The following MRPS10 variants were observed in gnomAD, a reference collection of about 807,000 sequenced individuals.
MRPS10 encodes mitochondrial ribosomal protein S10, also known as small ribosomal subunit protein uS10m.
MRPS10 carries 23 observed loss-of-function variants against 27.5 expected under a neutral mutation model. The ratio of observed to expected loss-of-function variants is 0.84; its 90% CI spans 0.60 to 1.18. The LOEUF (loss-of-function observed/expected upper bound fraction) is 1.18, where lower values mean the gene tolerates loss of function less well. MRPS10 is among the 50% of genes most tolerant of loss of function. The pLI, the probability that MRPS10 is intolerant of heterozygous loss-of-function variation, is 0.00. For synonymous variants in MRPS10, 88 were observed against 84.2 expected, an observed-to-expected ratio of 1.04 and a Z score of -0.25; for missense variants, 237 against 240.1, an observed-to-expected ratio of 0.99 and a Z score of 0.09.
At chr6:42,212,290 T>C (rs1768803451) in intron 3 of MRPS10, among the ~76,000 whole-genome samples, 1 of 152,218 alleles carries the variant, frequency 6.6e-6, no homozygotes, top group Admixed American at 6.5e-5. Flanking sequence ...TAATGGTAGC[T>C]GAATGACAAC....
intron 1 of MRPS10, among the ~76,000 whole-genome samples, chr6:42,216,383 A>AGTGTGTGTGTGTGTGTGTGTGTGTGT (rs763994848): frequency 4.3e-5 from 2 of 46,156 alleles, no homozygotes; most frequent in Non-Finnish European, 1.1e-4. Context: ...AGAGAGAGAG[A>AGTGTGTGTGTGTGTGTGTGTGTGTGT]GAGTGTGTGT....
At chr6:42,217,412 C>T (rs1768972858) in intron 1 of MRPS10, among the ~76,000 whole-genome samples, 1 of 152,148 alleles carries the variant, frequency 6.6e-6, no homozygotes, top group Non-Finnish European at 1.5e-5. Flanking sequence ...AGGAAAGCAT[C>T]TCAATTTAGT....
chr6:42,214,989 C>T (rs1452191526), intron 1 of MRPS10, among the ~76,000 whole-genome samples: 6 of 152,124 alleles, frequency 3.9e-5, no homozygotes, highest in Non-Finnish European at 5.9e-5. Context: ...AGGAAACAAA[C>T]GATACTACTA....
intron 5 of MRPS10, among the ~76,000 whole-genome samples, chr6:42,209,609 G>A (rs965282058): frequency 2.0e-5 from 3 of 151,712 alleles, no homozygotes; most frequent in Admixed American, 1.3e-4. Context: ...TTAGCCAGGC[G>A]CGGTGGCGTA....
intron 6 of MRPS10, among the ~76,000 whole-genome samples, 162 bp downstream of exon 6, chr6:42,208,696 G>A (rs116605222): frequency 1.7e-3 from 262 of 152,274 alleles, no homozygotes; most frequent in Admixed American, 5.7e-3. Flanking sequence ...GTTGCAAGGG[G>A]TGGGTAGCCC....
Position 42,206,813 on chromosome 6 carries a change from G to A in MRPS10, c.*1476C>T, listed in dbSNP as rs1227007864. ...TCAACAACTGAGCTGAAGGTCATGG[G>A]GCACAAAGCTGCAATTCTTTTAATG... On this transcript the variant is annotated 3_prime_UTR_variant, in exon 7 of 7. Coordinates refer to ENST00000053468, the MANE Select transcript of MRPS10 (RefSeq NM_018141.4). The A allele has an allele frequency of 6.6e-6, 1 of 152,138 alleles. No individual in the cohort carries two copies. Among genetic ancestry groups the A allele is most frequent in the Admixed American group, 6.5e-5 (1 of 15,272 alleles). 9.4% of individuals were successfully genotyped at this position (152,138 alleles called of 1,614,324 possible).
chr6:42,214,234 C>T, intron 2 of MRPS10, 42 bp from the exon 3 acceptor site: 1 of 1,604,232 alleles, frequency 6.2e-7, no homozygotes. Context: ...TAAAATAGCA[C>T]AAGAACCTAT....
chr6:42,209,462 GACTGC>G (rs1768708473), intron 5 of MRPS10, among the ~76,000 whole-genome samples: 1 of 152,040 alleles, frequency 6.6e-6, no homozygotes, highest in Non-Finnish European at 1.5e-5. Context: ...TAAGAGTAGG[GACTGC>G]GCAGGCACAG....
intron 1 of MRPS10, among the ~76,000 whole-genome samples, chr6:42,214,877 C>T (rs1768876971): frequency 6.6e-6 from 1 of 152,156 alleles, no homozygotes; most frequent in Non-Finnish European, 1.5e-5. Context: ...TGTGCTGTGA[C>T]TTATACCCAT....
rs955198448 is a variant in MRPS10 at position 42,208,094 on chromosome 6, T to C, written c.*195A>G. On this transcript the variant is annotated 3_prime_UTR_variant, in exon 7 of 7. Coordinates refer to ENST00000053468, the MANE Select transcript of MRPS10 (RefSeq NM_018141.4). ...TTTGCTGAAATCAGAACTGAAACAA[T>C]GAATAAAAAGAATAGATAAAAGTGG... 19 of 579,302 alleles carry C rather than the reference T, an allele frequency of 3.3e-5. No homozygotes were observed. In the African/African-American group the frequency reaches 3.7e-4, roughly 11 times the overall value. The allele number at this position is 579,302 out of a possible 1,614,324, so 35.9% of individuals were successfully genotyped here.
chr6:42,216,385 A>AGAGAGAGAGTGTGTGTGTGTGTGTGT lies in MRPS10; in HGVS notation c.48+1416_48+1417insACACACACACACACACACTCTCTCTC. ...GAGAGAGAGAGAGAGAGAGAGAGAG[A>AGAGAGAGAGTGTGTGTGTGTGTGTGT]GTGTGTGTGTGTGTGTGTGTGTGTG... On this transcript the variant is annotated intron_variant, in intron 1 of 6. Transcript: ENST00000053468. Among the ~76,000 whole-genome samples, 36 of 58,696 alleles carry AGAGAGAGAGTGTGTGTGTGTGTGTGT rather than the reference A, an allele frequency of 6.1e-4. 2 individuals are homozygous for AGAGAGAGAGTGTGTGTGTGTGTGTGT. Among genetic ancestry groups the AGAGAGAGAGTGTGTGTGTGTGTGTGT allele is most frequent in the African/African-American group, 9.3e-4 (21 of 22,490 alleles). 38.5% of individuals were successfully genotyped at this position (58,696 alleles called of 152,430 possible).
intron 3 of MRPS10, among the ~76,000 whole-genome samples, chr6:42,213,817 T>TA (rs1768846768): frequency 6.6e-6 from 1 of 152,232 alleles, no homozygotes; most frequent in Admixed American, 6.5e-5. Context: ...TTCCATAACA[T>TA]AAATCAAGTA....
Position 42,214,283 on chromosome 6 carries a change from A to G in MRPS10, c.110T>C (p.Leu37Pro). ...GCACATCCAATTGTATACTTACAGA[A>G]GCAAGCCACCATTTTTGGCTGTATT... ...KGNTAKNGGL[L>P]LSTNMKWVQF... is the part of the protein sequence containing the mutation. Residue 37 changes from leucine (L) to proline (P), a missense_variant, in exon 2 of 7, where the codon CTT (leucine) becomes CCT (proline). Physicochemically the swap from Leu to Pro is moderately conservative, Grantham distance 98. Transcript: ENST00000053468. 6.2e-7 allele frequency: 1 copy of G among 1,612,878 alleles called. No homozygotes were observed. The highest frequency in any genetic ancestry group is 8.5e-7 in the Non-Finnish European group (1 of 1,179,160).
intron 1 of MRPS10, among the ~76,000 whole-genome samples, chr6:42,217,551 C>T (rs1768975745): frequency 6.6e-6 from 1 of 152,160 alleles, no homozygotes; most frequent in South Asian, 2.1e-4. Flanking sequence ...ATACGAAGTA[C>T]AAAATCTTTT....
At chr6:42,210,731 T>C in intron 4 of MRPS10, 135 bp from the exon 5 acceptor site, 2 of 1,280,124 alleles carry the variant, frequency 1.6e-6, no homozygotes, top group Non-Finnish European at 1.1e-6. Context: ...AAAACTGTCA[T>C]CTGGAACAAC....
chr6:42,208,437 C>T (rs1768674097), intron 6 of MRPS10, 65 bp from the exon 7 acceptor site: 2 of 1,225,156 alleles, frequency 1.6e-6, no homozygotes. Context: ...ACAAATCGGA[C>T]TTATTAATTT....
At chr6:42,214,816 T>C (rs967226204) in intron 1 of MRPS10, among the ~76,000 whole-genome samples, 2 of 152,230 alleles carry the variant, frequency 1.3e-5, no homozygotes, top group African/African-American at 4.8e-5. Context: ...TTTTAAAGCA[T>C]ACATATTTCT....
At chr6:42,211,605 C>A (rs568155792) in intron 4 of MRPS10, among the ~76,000 whole-genome samples, 176 bp downstream of exon 4, 26 of 147,756 alleles carry the variant, frequency 1.8e-4, no homozygotes, top group African/African-American at 6.2e-4. Context: ...ACCCAGGAGG[C>A]AGAGGTTGCA....
In MRPS10 at chr6:42,208,922, G is replaced by A; in HGVS notation, c.458C>T (p.Ala153Val). ...CTGAATATATTCCAAGTAGACATCT[G>A]CTGTGCTTCCAGTTAGATGTTCTAA... ...LELEHLTGST[A>V]DVYLEYIQRN... is the part of the protein sequence containing the mutation. The change falls in exon 6 of 7, where the codon GCA becomes GTA. Residue 153 changes from alanine (A) to valine (V), a missense_variant. Transcript: ENST00000053468. 6.2e-7 allele frequency: 1 copy of A among 1,610,344 alleles called. No homozygotes were observed. The highest frequency in any genetic ancestry group is 1.1e-5 in the South Asian group (1 of 90,832).
Sources: allele counts gnomAD v4.1 joint callset (sites outside exome capture counted in the v4.1 genomes callset), GRCh38; gene constraint gnomAD v4.1.1; transcripts MANE v1.5; gene names NCBI Gene and HGNC (gene_info 2026-07-23, HGNC 2026-07-21).